Variants in GRK5 observed in about 807,000 individuals in gnomAD.
The protein encoded by GRK5 is G protein-coupled receptor kinase 5, also known as g protein-coupled receptor kinase GRK5.
In GRK5, 40 loss-of-function variants were observed where a neutral mutation model predicts 78.4. The ratio of observed to expected loss-of-function variants is 0.51; its 90% confidence interval spans 0.40 to 0.66. The LOEUF (loss-of-function observed/expected upper bound fraction) is 0.66. GRK5 is among the 30% of genes least tolerant of loss of function. GRK5 has a pLI of 0.00. For synonymous variants in GRK5, 289 were observed against 296.8 expected (o/e 0.97, Z 0.27); for missense variants, 598 against 759.9 (o/e 0.79, Z 2.50).
At chr10:119,298,501 T>A (rs1298161883) in intron 1 of GRK5, among the ~76,000 whole-genome samples, 1 of 152,134 alleles carries the variant, frequency 6.6e-6, no homozygotes. Flanking sequence ...TCTGCCAGGG[T>A]GTTCTCGGCA....
At chr10:119,439,585 C>A in intron 9 of GRK5, 146 bp from the exon 10 acceptor site, 1 of 671,472 alleles carries the variant, frequency 1.5e-6, no homozygotes, top group Non-Finnish European at 2.6e-6. Context: ...CATTTTGACT[C>A]AAACCAGACA....
chr10:119,454,887 A>G, intron 15 of GRK5, 82 bp from the exon 16 acceptor site: 1 of 880,404 alleles, frequency 1.1e-6, no homozygotes, highest in Non-Finnish European at 1.9e-6. Context: ...TGGAGCAGGC[A>G]GAGGCAGCCC....
intron 1 of GRK5, among the ~76,000 whole-genome samples, chr10:119,314,994 C>G (rs1413186827): frequency 2.0e-5 from 3 of 152,216 alleles, no homozygotes; most frequent in Non-Finnish European, 4.4e-5. Context: ...CCACTCCATC[C>G]CTTCCCTGCC....
In GRK5 at chr10:119,452,635, G is replaced by T. The variant is rs778768167; in HGVS notation, c.1405-36G>T. 6.2e-7 allele frequency: 1 copy of T among 1,612,202 alleles called. No individual in the cohort carries two copies. The highest frequency in any genetic ancestry group is 8.5e-7 in the Non-Finnish European group (1 of 1,179,120). ...GCTCGGGGCCACTGGAGCCGCAGGCGGGACATATGTGTGACCGGCCCTCTG... is the reference window on the plus strand; with the variant it reads ...GCTCGGGGCCACTGGAGCCGCAGGCTGGACATATGTGTGACCGGCCCTCTG... On this transcript the variant is annotated intron_variant, in intron 13 of 15. Transcript: ENST00000392870. This position sits in a 1 kb window ranked among gnomAD's most constrained non-coding sequence, Gnocchi z 4.4.
chr10:119,411,835 T>TCTG (rs1852342439), intron 4 of GRK5, among the ~76,000 whole-genome samples: 1 of 126,562 alleles, frequency 7.9e-6, no homozygotes, highest in African/African-American at 3.1e-5. Context: ...TCATTGCAGA[T>TCTG]CTGCTTCTTT....
intron 1 of GRK5, among the ~76,000 whole-genome samples, chr10:119,277,624 T>C (rs1365500388): frequency 6.6e-6 from 1 of 152,148 alleles, no homozygotes; most frequent in Non-Finnish European, 1.5e-5. Flanking sequence ...ATTTGAGAAG[T>C]TAGGATATAT....
intron 8 of GRK5, among the ~76,000 whole-genome samples, chr10:119,433,078 A>G (rs547425684): frequency 6.6e-6 from 1 of 152,338 alleles, no homozygotes; most frequent in African/African-American, 2.4e-5. Context: ...TAAAAACAAA[A>G]CAAAACAAAC....
At chr10:119,380,012 A>C (rs1305474969) in intron 2 of GRK5, among the ~76,000 whole-genome samples, 1 of 152,154 alleles carries the variant, frequency 6.6e-6, no homozygotes, top group Non-Finnish European at 1.5e-5. Flanking sequence ...CTGTGCCTTT[A>C]GTGCCTAACT....
intron 1 of GRK5, among the ~76,000 whole-genome samples, chr10:119,219,522 A>C (rs1156721230): frequency 1.3e-5 from 2 of 152,164 alleles, no homozygotes; most frequent in Non-Finnish European, 2.9e-5. Flanking sequence ...ACCTGTATTT[A>C]TGTTATGTGA....
chr10:119,428,849 T>A (rs1852755743), intron 6 of GRK5, among the ~76,000 whole-genome samples: 1 of 152,194 alleles, frequency 6.6e-6, no homozygotes, highest in African/African-American at 2.4e-5. Flanking sequence ...GCTGAAATAG[T>A]CAAGGGTTTT....
chr10:119,454,138 A>T (rs1456786838), intron 15 of GRK5, among the ~76,000 whole-genome samples: 1 of 152,260 alleles, frequency 6.6e-6, no homozygotes, highest in East Asian at 1.9e-4. Flanking sequence ...ATATAAAAAT[A>T]CAACGCTTCA....
chr10:119,356,037 C>T (rs1851258520), intron 2 of GRK5, among the ~76,000 whole-genome samples: 1 of 152,144 alleles, frequency 6.6e-6, no homozygotes, highest in African/African-American at 2.4e-5. Flanking sequence ...GATAATAATA[C>T]ATTCTGCAGG....
At chr10:119,360,173 TGAGGCTGAAG>T (rs1418818552) in intron 2 of GRK5, among the ~76,000 whole-genome samples, 6 of 151,868 alleles carry the variant, frequency 4.0e-5, no homozygotes, top group Non-Finnish European at 8.8e-5. Context: ...TGAGGGAGGC[TGAGGCTGAAG>T]GAGGCTGAAG....
chr10:119,287,764 A>C (rs994685961), intron 1 of GRK5, among the ~76,000 whole-genome samples: 1 of 152,174 alleles, frequency 6.6e-6, no homozygotes, highest in Non-Finnish European at 1.5e-5. Flanking sequence ...CTATGACTGC[A>C]CCGTATCCAG....
At chr10:119,443,409 C>T in intron 11 of GRK5, 135 bp from the exon 12 acceptor site, 1 of 735,388 alleles carries the variant, frequency 1.4e-6, no homozygotes, top group East Asian at 2.7e-5. Context: ...AGGGCAAGCT[C>T]CCTGGAGGGG....
intron 5 of GRK5, 83 bp downstream of exon 5, chr10:119,423,349 C>G: frequency 2.2e-6 from 2 of 919,958 alleles, no homozygotes; most frequent in South Asian, 2.8e-5. Flanking sequence ...CCATACAGGG[C>G]ACTGAGGCAG....
chr10:119,243,574 T>C (rs72834169), intron 1 of GRK5, among the ~76,000 whole-genome samples: 1 of 41,084 alleles, frequency 2.4e-5, no homozygotes, highest in African/African-American at 5.9e-5. Flanking sequence ...TTCTTTTTTT[T>C]TTTTTTTTTC....
intron 2 of GRK5, among the ~76,000 whole-genome samples, chr10:119,350,968 G>A (rs971807327): frequency 9.2e-5 from 14 of 152,162 alleles, no homozygotes; most frequent in Non-Finnish European, 1.5e-4. Flanking sequence ...AATGGGCTCC[G>A]TCTGTGTTGC....
Position 119,457,485 on chromosome 10 carries a change from T to C in GRK5, c.*2418T>C. 1 of 152,280 alleles carries C rather than the reference T, an allele frequency of 6.6e-6. No homozygotes were observed. The highest frequency in any genetic ancestry group is 6.5e-5 in the Admixed American group (1 of 15,290). The allele number at this position is 152,280 out of a possible 1,614,324, so 9.4% of individuals were successfully genotyped here. ...CATCATGTTTGCCACCAGCCCTCCCTGAGTGCCCAGAGGAGATGGGGGCAG... is the reference window on the plus strand; with the variant it reads ...CATCATGTTTGCCACCAGCCCTCCCCGAGTGCCCAGAGGAGATGGGGGCAG... On this transcript the variant is annotated 3_prime_UTR_variant, in exon 16 of 16. Transcript: ENST00000392870.
Sources: allele counts gnomAD v4.1 joint callset (sites outside exome capture counted in the v4.1 genomes callset), GRCh38; gene constraint gnomAD v4.1.1; non-coding constraint Gnocchi (gnomAD v3.1); transcripts MANE v1.5; gene names NCBI Gene and HGNC (gene_info 2026-07-23, HGNC 2026-07-21).